R3HDM2: variants seen among roughly 807,000 people sequenced by gnomAD.
R3HDM2 encodes the protein R3H domain-containing protein 2.
R3HDM2 carries 38 observed loss-of-function variants against 124.5 expected under a neutral mutation model. The ratio of observed to expected loss-of-function variants is 0.31; its 90% confidence interval spans 0.24 to 0.40. The LOEUF (loss-of-function observed/expected upper bound fraction) is 0.40, where lower values mean the gene tolerates loss of function less well. R3HDM2 is among the 10% of genes least tolerant of loss of function. The pLI is 1.00. For synonymous variants in R3HDM2, 391 were observed against 448.0 expected (o/e 0.87, Z 1.61); for missense variants, 869 against 1,236.9 (o/e 0.70, Z 4.46).
intron 14 of R3HDM2, chr12:57,272,389 C>T (rs1249495895): frequency 7.3e-7 from 1 of 1,369,112 alleles, no homozygotes; most frequent in Non-Finnish European, 1.0e-6. Flanking sequence ...ACAGACTGAC[C>T]CAGACATACC....
chr12:57,395,907 C>G (rs550639464), intron 1 of R3HDM2, 89 bp from the exon 2 acceptor site: 61 of 482,654 alleles, frequency 1.3e-4, no homozygotes, highest in African/African-American at 1.2e-3. Flanking sequence ...ACAGCAGCAC[C>G]TGTTAATATC....
At chr12:57,332,491 T>G (rs114336544) in intron 2 of R3HDM2, among the ~76,000 whole-genome samples, 161 of 152,136 alleles carry the variant, frequency 1.1e-3, no homozygotes, top group African/African-American at 3.7e-3. Context: ...ATGTTCTTTC[T>G]TTGATATCAC....
intron 2 of R3HDM2, among the ~76,000 whole-genome samples, chr12:57,312,022 C>T (rs1161946921): frequency 6.6e-6 from 1 of 152,216 alleles, no homozygotes; most frequent in African/African-American, 2.4e-5. Flanking sequence ...GAGGTTTCTC[C>T]TTATACAGGT....
At chr12:57,383,739 T>C (rs1215536407) in intron 2 of R3HDM2, among the ~76,000 whole-genome samples, 1 of 152,024 alleles carries the variant, frequency 6.6e-6, no homozygotes, top group Non-Finnish European at 1.5e-5. Context: ...TAATAATATC[T>C]GTTATACAGC....
intron 2 of R3HDM2, among the ~76,000 whole-genome samples, chr12:57,315,016 G>A (rs545908079): frequency 3.6e-4 from 55 of 151,124 alleles, no homozygotes; most frequent in African/African-American, 1.3e-3. Flanking sequence ...GTGCCACCAC[G>A]CCTGGCTAAT....
intron 1 of R3HDM2, among the ~76,000 whole-genome samples, chr12:57,400,046 T>G (rs1463157027): frequency 6.6e-6 from 1 of 152,106 alleles, no homozygotes; most frequent in Admixed American, 6.6e-5. Context: ...GATCTAGAAC[T>G]AGAAATACCA....
At chr12:57,404,607 A>G (rs1449154342) in intron 1 of R3HDM2, among the ~76,000 whole-genome samples, 3 of 152,128 alleles carry the variant, frequency 2.0e-5, no homozygotes, top group African/African-American at 7.2e-5. Flanking sequence ...ACAGGCTGAA[A>G]CAGAATCACT....
chr12:57,329,698 A>G (rs945098925), intron 2 of R3HDM2, among the ~76,000 whole-genome samples: 6 of 152,078 alleles, frequency 3.9e-5, no homozygotes, highest in African/African-American at 1.4e-4. Context: ...AATCGCTTGA[A>G]CCAGGAGGCA....
At chr12:57,256,192 G>A (rs751594491) in intron 22 of R3HDM2, 118 bp from the exon 23 acceptor site, 4 of 1,077,752 alleles carry the variant, frequency 3.7e-6, no homozygotes, top group African/African-American at 3.1e-5. Context: ...ACCCCACTAG[G>A]CAGTCAGGTT....
intron 20 of R3HDM2, among the ~76,000 whole-genome samples, chr12:57,258,338 A>G (rs1316690905): frequency 1.3e-5 from 2 of 150,568 alleles, no homozygotes; most frequent in Non-Finnish European, 3.0e-5. Context: ...TTATTTATTT[A>G]TTTATTTATT....
intron 2 of R3HDM2, among the ~76,000 whole-genome samples, chr12:57,381,898 G>A (rs1371575125): frequency 1.3e-5 from 2 of 151,372 alleles, no homozygotes; most frequent in Non-Finnish European, 2.9e-5. Flanking sequence ...ACTCACTGCA[G>A]CCTCAACCTC....
intron 2 of R3HDM2, among the ~76,000 whole-genome samples, chr12:57,386,209 C>T (rs1016841425): frequency 5.3e-5 from 8 of 152,230 alleles, no homozygotes; most frequent in South Asian, 2.1e-4. Context: ...CCCACTTTGG[C>T]GGCACTTGAG....
chr12:57,362,131 C>CA (rs997591735), intron 2 of R3HDM2, among the ~76,000 whole-genome samples: 44 of 151,032 alleles, frequency 2.9e-4, no homozygotes, highest in East Asian at 1.6e-3. Context: ...GACCCTTTCT[C>CA]AAAAAAAAAG....
At chr12:57,361,461 G>A (rs1460140917) in intron 2 of R3HDM2, among the ~76,000 whole-genome samples, 3 of 151,658 alleles carry the variant, frequency 2.0e-5, no homozygotes, top group Admixed American at 6.6e-5. Flanking sequence ...TGAGGCAGGA[G>A]GATCATTTGA....
At position 57,370,399 on chromosome 12, in the gene R3HDM2, G is replaced by GA. The variant is rs112702069; in HGVS notation, c.-36+25349_-36+25350insT. Among the ~76,000 whole-genome samples the GA allele has an allele frequency of 2.6e-4, 34 of 131,124 alleles. 1 individual carries two copies. The highest frequency in any genetic ancestry group is 1.3e-3 in the South Asian group (5 of 3,734). The allele number at this position is 131,124 out of a possible 152,430, so 86.0% of individuals were successfully genotyped here. ...TAATCACAGCACTTTGGGAGGCCCGGGGGGGGGGGGCGGGGTGGATCACCT... is the reference window on the plus strand; with the variant it reads ...TAATCACAGCACTTTGGGAGGCCCGGAGGGGGGGGGGCGGGGTGGATCACCT... On this transcript the variant is annotated intron_variant, in intron 2 of 23. Transcript: ENST00000402412.
intron 3 of R3HDM2, among the ~76,000 whole-genome samples, chr12:57,304,723 C>T (rs1054389698): frequency 3.3e-5 from 5 of 152,140 alleles, no homozygotes; most frequent in African/African-American, 1.2e-4. Flanking sequence ...ATTCAAAAGG[C>T]ATAATGGGGA....
intron 2 of R3HDM2, among the ~76,000 whole-genome samples, chr12:57,387,224 C>G (rs566518816): frequency 7.3e-4 from 111 of 152,204 alleles, no homozygotes; most frequent in African/African-American, 2.6e-3. Context: ...TTTGTTCTTT[C>G]GCTCTTTGCA....
intron 22 of R3HDM2, 163 bp downstream of exon 22, chr12:57,256,251 G>C: frequency 1.2e-6 from 1 of 865,176 alleles, no homozygotes. Flanking sequence ...CTCTTGGCAT[G>C]GGGGTCGGGT....
intron 2 of R3HDM2, among the ~76,000 whole-genome samples, chr12:57,338,302 T>TCAAAAACAAAAA (rs943423487): frequency 6.6e-6 from 1 of 151,840 alleles, no homozygotes; most frequent in African/African-American, 2.4e-5. Context: ...AAGCTCCATC[T>TCAAAAACAAAAA]CAAAAACAAA....
Sources: allele counts gnomAD v4.1 joint callset (sites outside exome capture counted in the v4.1 genomes callset), GRCh38; gene constraint gnomAD v4.1.1; transcripts MANE v1.5; gene names NCBI Gene and HGNC (gene_info 2026-07-23, HGNC 2026-07-21).